Variants in GNA14 observed in about 807,000 individuals in gnomAD.
GNA14 encodes guanine nucleotide-binding protein subunit alpha-14.
In GNA14, 50 loss-of-function variants were observed where a neutral mutation model predicts 42.0. That is an observed-to-expected ratio of 1.19 (90% confidence interval 0.95 to 1.51). GNA14 has a LOEUF of 1.51. Ranked by LOEUF, GNA14 falls within the 40% of genes most tolerant of loss-of-function variation. The pLI, the probability that GNA14 is intolerant of heterozygous loss-of-function variation, is 0.00. For missense variants in GNA14, 473 were observed against 446.2 expected, an observed-to-expected ratio of 1.06 and a Z score of -0.54; for synonymous variants, 173 against 163.1, an observed-to-expected ratio of 1.06 and a Z score of -0.46.
rs763015311 is a variant in GNA14 at position 77,647,635 on chromosome 9, C to T, written c.124+35G>A. The T allele has an allele frequency of 1.2e-5, 19 of 1,593,402 alleles. No individual in the cohort carries two copies. In the Admixed American group the frequency reaches 1.9e-4, roughly 16 times the overall value. ...GCCGGGAGGGCTCGGAAGAAAAACG[C>T]CCGGCTCACTGGAGTCGGAGACGCA... On this transcript the variant is annotated intron_variant, in intron 1 of 6. Coordinates refer to ENST00000341700, the MANE Select transcript of GNA14 (RefSeq NM_004297.4).
chr9:77,483,351 AGTGGCTGCCGAACAGCG>A (rs1473886940), intron 2 of GNA14, among the ~76,000 whole-genome samples: 3 of 152,204 alleles, frequency 2.0e-5, no homozygotes, highest in African/African-American at 7.2e-5. Context: ...CATCAGGAGC[AGTGGCTGCCGAACAGCG>A]GTGGCTGTAG....
intron 1 of GNA14, among the ~76,000 whole-genome samples, chr9:77,646,639 A>G (rs1037266360): frequency 1.6e-4 from 24 of 152,364 alleles, no homozygotes; most frequent in African/African-American, 5.3e-4. Context: ...AATAGATGGT[A>G]TAAGAGAAGA....
intron 1 of GNA14, among the ~76,000 whole-genome samples, chr9:77,559,752 C>T (rs115169146): frequency 6.6e-6 from 1 of 152,170 alleles, no homozygotes; most frequent in African/African-American, 2.4e-5. Context: ...TGTGCATTCC[C>T]CTTTCCCAAT....
At chr9:77,451,372 C>A (rs558634468) in intron 2 of GNA14, among the ~76,000 whole-genome samples, 1 of 152,236 alleles carries the variant, frequency 6.6e-6, no homozygotes, top group Admixed American at 6.5e-5. Flanking sequence ...AGTATAAAGG[C>A]AAACACAGCC....
chr9:77,466,949 T>G (rs1200515544), intron 2 of GNA14, among the ~76,000 whole-genome samples: 1 of 151,824 alleles, frequency 6.6e-6, no homozygotes, highest in Non-Finnish European at 1.5e-5. Flanking sequence ...TGGTCAAAGG[T>G]TGTGCTTAAG....
At chr9:77,532,366 T>C (rs574784140) in intron 1 of GNA14, among the ~76,000 whole-genome samples, 2 of 152,322 alleles carry the variant, frequency 1.3e-5, no homozygotes, top group East Asian at 1.9e-4. Flanking sequence ...TTTCAATCCC[T>C]GGAACTTTAG....
intron 1 of GNA14, among the ~76,000 whole-genome samples, chr9:77,610,566 T>C (rs138992566): frequency 7.0e-4 from 107 of 152,278 alleles, no homozygotes; most frequent in Non-Finnish European, 1.2e-3. Flanking sequence ...CCAAATATCA[T>C]CACATTGAGA....
intron 2 of GNA14, among the ~76,000 whole-genome samples, chr9:77,444,119 T>C (rs7019154): frequency 0.65 from 98,483 of 152,082 alleles, 32,316 homozygotes; most frequent in African/African-American, 0.76. Flanking sequence ...TGCACCGTGC[T>C]GGCTTAGCTG....
chr9:77,550,281 G>A (rs994846629), intron 1 of GNA14, among the ~76,000 whole-genome samples: 4 of 152,032 alleles, frequency 2.6e-5, no homozygotes, highest in African/African-American at 9.7e-5. Flanking sequence ...GTATATTTTG[G>A]TATAGATCTA....
At chr9:77,570,809 CCA>C (rs1452159642) in intron 1 of GNA14, among the ~76,000 whole-genome samples, 5 of 152,090 alleles carry the variant, frequency 3.3e-5, no homozygotes, top group Non-Finnish European at 5.9e-5. Flanking sequence ...TGTGGAATTA[CCA>C]CAGTGTTTTC....
chr9:77,531,986 A>G (rs7046677), intron 1 of GNA14, among the ~76,000 whole-genome samples: 113,414 of 152,052 alleles, frequency 0.75, 42,837 homozygotes, highest in Admixed American at 0.81. Context: ...CCAAATGCGG[A>G]GCAAAAGAGG....
chr9:77,481,658 C>T (rs561273811), intron 2 of GNA14, among the ~76,000 whole-genome samples: 2 of 152,112 alleles, frequency 1.3e-5, no homozygotes, highest in African/African-American at 4.8e-5. Context: ...GTGTTAAAGT[C>T]TCCCATTATT....
chr9:77,501,989 G>A (rs920752385), intron 2 of GNA14, among the ~76,000 whole-genome samples: 2 of 152,176 alleles, frequency 1.3e-5, no homozygotes, highest in Non-Finnish European at 2.9e-5. Context: ...TTACAGGCGT[G>A]AGCCACCGTG....
intron 2 of GNA14, chr9:77,517,915 A>G (rs1388355120): frequency 6.6e-6 from 1 of 151,750 alleles, no homozygotes; most frequent in Non-Finnish European, 1.5e-5. Context: ...ATATCCTCAT[A>G]CTTTTTTAAT....
intron 1 of GNA14, among the ~76,000 whole-genome samples, chr9:77,597,627 G>A (rs1276555089): frequency 6.6e-6 from 1 of 151,022 alleles, no homozygotes; most frequent in Non-Finnish European, 1.5e-5. Context: ...AGTAATTGCG[G>A]TTTTTGCCAT....
At chr9:77,446,254 C>T (rs147141154) in intron 2 of GNA14, among the ~76,000 whole-genome samples, 9 of 152,316 alleles carry the variant, frequency 5.9e-5, no homozygotes, top group African/African-American at 1.2e-4. Flanking sequence ...GTTATTTTCA[C>T]GGCCCTTCCA....
chr9:77,449,850 T>C (rs1002987622), intron 2 of GNA14, among the ~76,000 whole-genome samples: 3 of 152,222 alleles, frequency 2.0e-5, no homozygotes, highest in Non-Finnish European at 4.4e-5. Flanking sequence ...CGCCAGAGCA[T>C]AATCTCCCTC....
intron 2 of GNA14, among the ~76,000 whole-genome samples, chr9:77,496,366 T>C (rs1280208180): frequency 6.6e-6 from 1 of 152,186 alleles, no homozygotes; most frequent in African/African-American, 2.4e-5. Context: ...TTTAACTCCT[T>C]GTTACTAAGT....
intron 1 of GNA14, among the ~76,000 whole-genome samples, chr9:77,548,118 G>A (rs1455556973): frequency 6.6e-6 from 1 of 152,184 alleles, no homozygotes; most frequent in Non-Finnish European, 1.5e-5. Context: ...ACCTCATACT[G>A]GCTGGCTTAA....
Sources: allele counts gnomAD v4.1 joint callset (sites outside exome capture counted in the v4.1 genomes callset), GRCh38; gene constraint gnomAD v4.1.1; transcripts MANE v1.5; gene names NCBI Gene and HGNC (gene_info 2026-07-23, HGNC 2026-07-21).